The following IMPG1 variants were observed in gnomAD, a reference collection of about 807,000 sequenced individuals.
IMPG1 encodes the protein interphotoreceptor matrix proteoglycan of 150 kDa.
In IMPG1, 85 loss-of-function variants were observed where a neutral mutation model predicts 92.0. The observed-to-expected ratio is 0.92, with a 90% CI of 0.78 to 1.11. IMPG1 has a LOEUF of 1.11. Among genes scored for constraint, IMPG1 ranks in the 50% least tolerant of loss-of-function variants. The pLI is 0.00. For synonymous variants in IMPG1, 367 were observed against 334.1 expected (o/e 1.10, Z -1.08); for missense variants, 1,022 against 956.0 (o/e 1.07, Z -0.91).
At chr6:75,982,565 A>ATCTATC (rs1782645287) in intron 12 of IMPG1, among the ~76,000 whole-genome samples, 14 of 78,886 alleles carry the variant, frequency 1.8e-4, no homozygotes, top group East Asian at 1.0e-3. Context: ...ATCTATCTAT[A>ATCTATC]TATCTATATA....
chr6:75,922,661 G>C (rs570119035), intron 16 of IMPG1, among the ~76,000 whole-genome samples: 1 of 152,224 alleles, frequency 6.6e-6, no homozygotes, highest in African/African-American at 2.4e-5. Flanking sequence ...AATTCTATCT[G>C]GTACTTCGGG....
At chr6:75,963,426 G>C (rs1782241203) in intron 12 of IMPG1, among the ~76,000 whole-genome samples, 1 of 150,986 alleles carries the variant, frequency 6.6e-6, no homozygotes, top group Non-Finnish European at 1.5e-5. Flanking sequence ...TCATGATTTT[G>C]TTAATATGAT....
At chr6:76,032,004 C>T (rs548030248) in intron 4 of IMPG1, among the ~76,000 whole-genome samples, 8 of 152,270 alleles carry the variant, frequency 5.3e-5, no homozygotes, top group Non-Finnish European at 1.0e-4. Flanking sequence ...GGCAGACTTA[C>T]GGGTTAGTCA....
At chr6:76,028,715 A>G (rs1783598425) in intron 4 of IMPG1, among the ~76,000 whole-genome samples, 1 of 152,150 alleles carries the variant, frequency 6.6e-6, no homozygotes, top group Non-Finnish European at 1.5e-5. Context: ...CTGTAGTCCC[A>G]GCTACTCAGG....
At chr6:75,933,172 CTT>C (rs1781691364) in intron 14 of IMPG1, among the ~76,000 whole-genome samples, 1 of 152,068 alleles carries the variant, frequency 6.6e-6, no homozygotes, top group Non-Finnish European at 1.5e-5. Context: ...GGCAAAGAGA[CTT>C]GAGATCAATA....
rs987933965 is a variant in IMPG1 at position 76,029,808 on chromosome 6, C to T, written c.497+4507G>A. On this transcript the variant is annotated intron_variant, in intron 4 of 16. Coordinates refer to ENST00000369950, the MANE Select transcript of IMPG1 (RefSeq NM_001563.4). ...TGCACCTAAATTCTAGCAAGCATAA[C>T]TATAGCTACCAGTTATCTTGGTGTG... 6.6e-4 allele frequency among the ~76,000 whole-genome samples: 100 copies of T among 152,304 alleles called. 1 individual carries two copies. Among genetic ancestry groups the T allele is most frequent in the Admixed American group, 6.5e-3 (100 of 15,296 alleles).
chr6:75,924,478 T>C lies in IMPG1; in HGVS notation c.2244-772A>G, dbSNP rs1168087863. On this transcript the variant is annotated intron_variant, in intron 15 of 16. Transcript: ENST00000369950. ...TAATTATATAATATAAATATAATTA[T>C]ATATTATAATATAATATAATTATAT... Among the ~76,000 whole-genome samples the C allele has an allele frequency of 1.0e-4, 10 of 99,958 alleles. No homozygotes were observed. The South Asian group carries it at 1.8e-3, about 18-fold the overall frequency. The allele number at this position is 99,958 out of a possible 152,430, so 65.6% of individuals were successfully genotyped here. A position where few individuals can be genotyped will look rare whatever the true frequency, so the allele number is the denominator to read the frequency against.
intron 12 of IMPG1, among the ~76,000 whole-genome samples, chr6:75,978,526 T>C (rs1369989806): frequency 6.6e-6 from 1 of 152,226 alleles, no homozygotes; most frequent in Non-Finnish European, 1.5e-5. Flanking sequence ...TGAAAACTCC[T>C]ACTCAAAACT....
At chr6:76,049,150 A>G (rs1268560547) in intron 1 of IMPG1, among the ~76,000 whole-genome samples, 2 of 152,232 alleles carry the variant, frequency 1.3e-5, no homozygotes, top group Non-Finnish European at 2.9e-5. Flanking sequence ...ATGAGAACAC[A>G]TGGATACACA....
At chr6:76,055,870 A>G (rs967102225) in intron 1 of IMPG1, among the ~76,000 whole-genome samples, 28 of 152,084 alleles carry the variant, frequency 1.8e-4, no homozygotes, top group Non-Finnish European at 1.6e-4. Flanking sequence ...ACTCAAAAAG[A>G]GGTAGGATAA....
chr6:76,035,959 TGATA>T (rs1284517075), intron 2 of IMPG1, among the ~76,000 whole-genome samples: 1 of 152,220 alleles, frequency 6.6e-6, no homozygotes, highest in African/African-American at 2.4e-5. Context: ...GACAGCTGAT[TGATA>T]GATCATTAAA....
At chr6:75,956,066 G>T (rs571496992) in intron 12 of IMPG1, among the ~76,000 whole-genome samples, 109 of 151,830 alleles carry the variant, frequency 7.2e-4, no homozygotes, top group Non-Finnish European at 1.1e-3. Flanking sequence ...ATTTTTTTTT[G>T]TTGTGTCTCT....
chr6:76,067,313 A>C (rs1784326723), intron 1 of IMPG1, among the ~76,000 whole-genome samples: 1 of 152,100 alleles, frequency 6.6e-6, no homozygotes, highest in Non-Finnish European at 1.5e-5. Context: ...AGAAAAAAGC[A>C]AGAAAATTCA....
chr6:75,931,278 A>G (rs1267885668), intron 14 of IMPG1, 127 bp from the exon 15 acceptor site: 1 of 774,532 alleles, frequency 1.3e-6, no homozygotes, highest in Non-Finnish European at 2.1e-6. Context: ...CACAGTTGTG[A>G]TATCAGACTG....
rs140503033 is a variant in IMPG1 at position 76,046,279 on chromosome 6, G to A, written c.68-4153C>T. On this transcript the variant is annotated intron_variant, in intron 1 of 16. Transcript: ENST00000369950. Reference sequence around the variant, plus strand: ...ATTGGAGTAAAATAATATTAGAACAGTTTAATTAAATAAATTATGAATTAA... The same window carrying A: ...ATTGGAGTAAAATAATATTAGAACAATTTAATTAAATAAATTATGAATTAA... Among the ~76,000 whole-genome samples the A allele has an allele frequency of 6.1e-3, 918 of 151,436 alleles. 9 individuals are homozygous for A. Among genetic ancestry groups the A allele is most frequent in the African/African-American group, 0.021 (880 of 41,124 alleles).
chr6:75,962,296 T>A (rs2149462139), intron 12 of IMPG1, among the ~76,000 whole-genome samples: 1 of 144,452 alleles, frequency 6.9e-6, no homozygotes, highest in African/African-American at 2.9e-5. Context: ...TTAAAAAAAT[T>A]TTTTTTTTAT....
intron 14 of IMPG1, among the ~76,000 whole-genome samples, chr6:75,940,799 A>G (rs1046529403): frequency 6.6e-6 from 1 of 152,062 alleles, no homozygotes; most frequent in Non-Finnish European, 1.5e-5. Context: ...AGCTGTCATC[A>G]CTGTGGAGTA....
chr6:76,014,670 T>C (rs1783251090), intron 7 of IMPG1, among the ~76,000 whole-genome samples: 1 of 152,160 alleles, frequency 6.6e-6, no homozygotes, highest in African/African-American at 2.4e-5. Flanking sequence ...ATTTTTCTTC[T>C]CCAGGATACC....
chr6:76,020,996 G>C (rs1783413641), intron 6 of IMPG1, among the ~76,000 whole-genome samples: 1 of 152,148 alleles, frequency 6.6e-6, no homozygotes, highest in South Asian at 2.1e-4. Flanking sequence ...TATTAACATA[G>C]CTAGATCATT....
Sources: gnomAD v4.1 joint callset for allele counts (sites outside exome capture counted in the v4.1 genomes callset) on GRCh38, gnomAD v4.1.1 for gene constraint, MANE v1.5 for transcripts, NCBI Gene and HGNC (gene_info 2026-07-23, HGNC 2026-07-21) for gene names.